CYP46A1: variants seen among roughly 807,000 people sequenced by gnomAD.
The protein encoded by CYP46A1 is cholesterol 24-hydroxylase.
A neutral mutation model predicts 63.3 loss-of-function variants in CYP46A1; 20 were observed. The ratio of observed to expected loss-of-function variants is 0.32; its 90% confidence interval spans 0.22 to 0.46. The LOEUF (loss-of-function observed/expected upper bound fraction) is 0.46. Ranked by LOEUF, CYP46A1 falls within the 20% of genes least tolerant of loss-of-function variation. The pLI is 1.00. For missense variants in CYP46A1, 445 were observed against 670.8 expected, an observed-to-expected ratio of 0.66 and a Z score of 3.72; for synonymous variants, 268 against 273.6, an observed-to-expected ratio of 0.98 and a Z score of 0.20.
chr14:99,699,510 C>A lies in CYP46A1; in HGVS notation c.327C>A (p.Tyr109Ter), dbSNP rs772101757. The A allele has an allele frequency of 6.2e-7, 1 of 1,614,084 alleles. No individual in the cohort carries two copies. Among genetic ancestry groups the A allele is most frequent in the Admixed American group, 1.7e-5 (1 of 60,014 alleles). Residue 109 changes from tyrosine to a stop codon, truncating the protein, a stop_gained, in exon 4 of 15, where the codon TAC becomes TAA. Transcript: ENST00000261835. LOFTEE classifies it high-confidence loss of function. ...AGTACAACAAGGACTCCAAGATGTA[C>A]CGTGCGCTCCAGACTGTGTTTGGTG... ...STKYNKDSKM[Y>*]RALQTVFGER...
intron 7 of CYP46A1, 82 bp downstream of exon 7, chr14:99,707,760 T>TC (rs1315673794): frequency 1.5e-6 from 2 of 1,316,710 alleles, no homozygotes; most frequent in African/African-American, 3.0e-5. Context: ...CAGTGATTTT[T>TC]TTTTTTTTTC....
rs2056855388 is a variant in CYP46A1 at position 99,722,370 on chromosome 14, A to G, written c.1176+304A>G. Reference sequence around the variant, plus strand: ...TGGGGTCACACAGCTGGTGAAAAGCAGATATGGAAATTGCCCAGTTTCACA... The same window carrying G: ...TGGGGTCACACAGCTGGTGAAAAGCGGATATGGAAATTGCCCAGTTTCACA... On this transcript the variant is annotated intron_variant, in intron 12 of 14. Transcript: ENST00000261835. The surrounding 1 kb of genome is among the most constrained non-coding windows in gnomAD (Gnocchi z 4.6). Among the ~76,000 whole-genome samples, 1 of 152,188 alleles carries G rather than the reference A, an allele frequency of 6.6e-6. No homozygotes were observed. Among genetic ancestry groups the G allele is most frequent in the African/African-American group, 2.4e-5 (1 of 41,440 alleles).
At position 99,726,988 on chromosome 14, in the gene CYP46A1, C is replaced by T. The variant is rs1272532801; in HGVS notation, c.*261C>T. The T allele has an allele frequency of 1.8e-5, 7 of 398,578 alleles. No individual in the cohort carries two copies. The highest frequency in any genetic ancestry group is 3.1e-5 in the Non-Finnish European group (7 of 226,034). 24.7% of individuals were successfully genotyped at this position (398,578 alleles called of 1,614,324 possible). A position where few individuals can be genotyped will look rare whatever the true frequency, so the allele number is the denominator to read the frequency against. On this transcript the variant is annotated 3_prime_UTR_variant, in exon 15 of 15. Transcript: ENST00000261835. ...CCCTACCACTGAGCCCTTGCACAGG[C>T]CACTTGCTCAGACGAGACACCCTAA...
chr14:99,715,390 A>G (rs770426466), intron 7 of CYP46A1, among the ~76,000 whole-genome samples: 30 of 152,226 alleles, frequency 2.0e-4, no homozygotes, highest in Non-Finnish European at 8.8e-5. Context: ...AGTTCATCTC[A>G]GGGCCCCCTC....
intron 2 of CYP46A1, 51 bp from the exon 3 acceptor site, chr14:99,691,729 G>A: frequency 1.3e-6 from 2 of 1,568,414 alleles, no homozygotes; most frequent in Non-Finnish European, 1.8e-6. Flanking sequence ...GGTTGGTGAT[G>A]GTCATACCTC....
chr14:99,694,371 C>CTTTTTTTTT (rs74872295), intron 3 of CYP46A1, among the ~76,000 whole-genome samples: 22 of 86,312 alleles, frequency 2.5e-4, no homozygotes, highest in East Asian at 6.9e-4. Context: ...TTTGGGTTTT[C>CTTTTTTTTT]TTTTTTTTTT....
intron 4 of CYP46A1, among the ~76,000 whole-genome samples, 186 bp from the exon 5 acceptor site, chr14:99,699,825 ACATT>A (rs1377930930): frequency 1.3e-5 from 2 of 152,254 alleles, no homozygotes; most frequent in African/African-American, 4.8e-5. Context: ...AACTGACATA[ACATT>A]CACCATTTTC....
intron 7 of CYP46A1, chr14:99,709,947 A>G (rs1426715666): frequency 4.6e-5 from 7 of 152,344 alleles, no homozygotes. Context: ...TGGAAATTAA[A>G]AACTGTCAGT....
intron 2 of CYP46A1, 66 bp from the exon 3 acceptor site, chr14:99,691,714 G>A (rs2056544924): frequency 2.1e-6 from 3 of 1,450,422 alleles, no homozygotes; most frequent in South Asian, 1.1e-5. Context: ...TTCTCAGCTG[G>A]GCGGGGTTGG....
At chr14:99,719,008 T>C (rs1018850895) in intron 10 of CYP46A1, among the ~76,000 whole-genome samples, 3 of 152,072 alleles carry the variant, frequency 2.0e-5, no homozygotes, top group Admixed American at 6.6e-5. Flanking sequence ...CTTTGCCGTG[T>C]TTTTTGTCAC....
At chr14:99,688,200 A>G (rs1210042527) in intron 1 of CYP46A1, among the ~76,000 whole-genome samples, 1 of 152,024 alleles carries the variant, frequency 6.6e-6, no homozygotes, top group Admixed American at 6.5e-5. Context: ...AGGACACTAG[A>G]TTACTCTGGA....
At chr14:99,726,476 G>A in intron 14 of CYP46A1, 81 bp from the exon 15 acceptor site, 1 of 1,371,018 alleles carries the variant, frequency 7.3e-7, no homozygotes, top group Non-Finnish European at 9.8e-7. Flanking sequence ...AGGAGAGCCG[G>A]CTGTGACATT....
chr14:99,726,544 C>A lies in CYP46A1; in HGVS notation c.1333-13C>A. 6.4e-7 allele frequency: 1 copy of A among 1,557,482 alleles called. No individual in the cohort carries two copies. Among genetic ancestry groups the A allele is most frequent in the Non-Finnish European group, 8.7e-7 (1 of 1,151,764 alleles). On this transcript the variant is annotated splice_polypyrimidine_tract_variant and intron_variant, in intron 14 of 14. Transcript: ENST00000261835. The stretch of plus-strand genomic sequence containing the variant: ...CTCCTTCATTCCTTCCTCATTTTGC[C>A]CGCTGGGCCCAGATGGAGGTGAAGG...
Position 99,726,652 on chromosome 14 carries a change from C to T in CYP46A1, c.1428C>T (p.Leu476=), listed in dbSNP as rs778594593. The change falls in exon 15 of 15, where the codon CTC becomes CTT. Residue 476 remains leucine (L), a synonymous_variant. Transcript: ENST00000261835. ...QRFGLQEQAT[L]KPLDPVLCTL... ...TCGGGCTGCAGGAGCAGGCCACACT[C>T]AAGCCACTGGACCCCGTGCTGTGCA... The T allele has an allele frequency of 3.2e-6, 5 of 1,556,070 alleles. No homozygotes were observed. In the South Asian group the frequency reaches 4.7e-5, roughly 15 times the overall value.
chr14:99,687,470 G>A (rs1264893157), intron 1 of CYP46A1, among the ~76,000 whole-genome samples: 3 of 152,178 alleles, frequency 2.0e-5, no homozygotes, highest in South Asian at 4.1e-4. Context: ...TGGCTCTGGC[G>A]GGTGGTGCAT....
chr14:99,700,374 G>A (rs1279261629), intron 5 of CYP46A1, among the ~76,000 whole-genome samples: 1 of 152,148 alleles, frequency 6.6e-6, no homozygotes, highest in Non-Finnish European at 1.5e-5. Context: ...GGGGGTTCCT[G>A]TCCTCCAAGA....
At chr14:99,691,027 G>T (rs2056538782) in intron 1 of CYP46A1, 54 bp from the exon 2 acceptor site, 2 of 1,541,142 alleles carry the variant, frequency 1.3e-6, no homozygotes, top group Admixed American at 3.3e-5. Context: ...GTGGGGAAGG[G>T]AGCGTTCTTT....
chr14:99,722,412 C>T lies in CYP46A1; in HGVS notation c.1176+346C>T, dbSNP rs542307727. Among the ~76,000 whole-genome samples the T allele has an allele frequency of 1.3e-5, 2 of 152,280 alleles. No individual in the cohort carries two copies. Among genetic ancestry groups the T allele is most frequent in the South Asian group, 4.2e-4 (2 of 4,818 alleles). ...AGTTTCACAGTTGACCCAAACTTGT[C>T]CTGGTTCCTTCTCTCCTCACGTTTT... On this transcript the variant is annotated intron_variant, in intron 12 of 14. Transcript: ENST00000261835. This position sits in a 1 kb window ranked among gnomAD's most constrained non-coding sequence, Gnocchi z 4.6.
At chr14:99,690,424 C>T (rs1248217398) in intron 1 of CYP46A1, among the ~76,000 whole-genome samples, 2 of 152,170 alleles carry the variant, frequency 1.3e-5, no homozygotes, top group African/African-American at 4.8e-5. Context: ...TCCGCCTTTC[C>T]CTGGGAGAAC....
Sources: gnomAD v4.1 joint callset for allele counts (sites outside exome capture counted in the v4.1 genomes callset) on GRCh38, gnomAD v4.1.1 for gene constraint, Gnocchi (gnomAD v3.1) non-coding constraint, MANE v1.5 for transcripts, NCBI Gene and HGNC (gene_info 2026-07-23, HGNC 2026-07-21) for gene names.